GLP2R: variants seen among roughly 807,000 people sequenced by gnomAD.
GLP2R encodes the protein glucagon like peptide 2 receptor.
In GLP2R, 59 loss-of-function variants were observed where a neutral mutation model predicts 68.2. The ratio of observed to expected loss-of-function variants is 0.87; its 90% CI spans 0.70 to 1.07. The LOEUF is 1.07. GLP2R is among the 50% of genes least tolerant of loss of function. GLP2R has a pLI of 0.00. For missense variants in GLP2R, 548 were observed against 677.4 expected (o/e 0.81, Z 2.12); for synonymous variants, 270 against 265.4 (o/e 1.02, Z -0.17).
rs186251094 is a variant in GLP2R at position 9,844,193 on chromosome 17, T to C, written c.504+1577T>C. Among the ~76,000 whole-genome samples the C allele has an allele frequency of 1.1e-3, 174 of 152,080 alleles. 1 individual carries two copies. The highest frequency in any genetic ancestry group is 4.0e-3 in the African/African-American group (164 of 41,458). On this transcript the variant is annotated intron_variant, in intron 4 of 12. Coordinates refer to ENST00000262441, the MANE Select transcript of GLP2R (RefSeq NM_004246.3). ...GGCCTGAGGAGGACACAGGTGGAGG[T>C]AGAGGCCTCGGGAGAGGTAGGTGGT...
intron 10 of GLP2R, among the ~76,000 whole-genome samples, chr17:9,871,828 C>A (rs555082330): frequency 3.3e-5 from 5 of 149,784 alleles, no homozygotes; most frequent in African/African-American, 1.2e-4. Context: ...AGATTCAAGC[C>A]ATTCTCCTGC....
chr17:9,859,877 T>A, intron 6 of GLP2R, 65 bp from the exon 7 acceptor site: 41 of 558,006 alleles, frequency 7.3e-5, no homozygotes, highest in Non-Finnish European at 9.0e-5. Flanking sequence ...GAGGCCCTTC[T>A]CCCCCGACTC....
At chr17:9,879,450 T>C (rs1358147467) in intron 10 of GLP2R, among the ~76,000 whole-genome samples, 1 of 152,014 alleles carries the variant, frequency 6.6e-6, no homozygotes, top group Non-Finnish European at 1.5e-5. Context: ...TGAGCTAGAA[T>C]CGTGCTACTG....
At chr17:9,875,123 A>G (rs2067132228) in intron 10 of GLP2R, among the ~76,000 whole-genome samples, 1 of 152,212 alleles carries the variant, frequency 6.6e-6, no homozygotes, top group African/African-American at 2.4e-5. Context: ...AAACCACCTT[A>G]TTTAACTCCC....
chr17:9,848,598 T>G (rs1670384987), intron 4 of GLP2R, among the ~76,000 whole-genome samples: 1 of 152,124 alleles, frequency 6.6e-6, no homozygotes, highest in African/African-American at 2.4e-5. Context: ...AAGTAAAGAT[T>G]TCTCTCTTCG....
intron 11 of GLP2R, among the ~76,000 whole-genome samples, chr17:9,884,106 T>C (rs1005694797): frequency 6.6e-6 from 1 of 152,050 alleles, no homozygotes; most frequent in African/African-American, 2.4e-5. Flanking sequence ...AATGAGTAAA[T>C]AGAGATATAT....
chr17:9,877,382 A>C (rs1211073820), intron 10 of GLP2R, among the ~76,000 whole-genome samples: 4 of 152,232 alleles, frequency 2.6e-5, no homozygotes, highest in African/African-American at 9.6e-5. Flanking sequence ...CAATCCCTTC[A>C]TGTCTCCATC....
intron 10 of GLP2R, among the ~76,000 whole-genome samples, chr17:9,879,296 A>AAAAT (rs2067171245): frequency 1.3e-4 from 5 of 38,970 alleles, no homozygotes; most frequent in Non-Finnish European, 3.1e-4. Context: ...TAAAATAAAT[A>AAAAT]AAATAAAATA....
At chr17:9,876,023 A>G (rs1217245620) in intron 10 of GLP2R, among the ~76,000 whole-genome samples, 1 of 152,172 alleles carries the variant, frequency 6.6e-6, no homozygotes, top group Non-Finnish European at 1.5e-5. Flanking sequence ...GATTACAGGC[A>G]TGAGACACCA....
rs146198760 is a variant in GLP2R at position 9,888,227 on chromosome 17, T to C, written c.1326+254T>C. Among the ~76,000 whole-genome samples, 272 of 152,238 alleles carry C rather than the reference T, an allele frequency of 1.8e-3. 1 individual carries two copies. The highest frequency in any genetic ancestry group is 2.9e-3 in the Non-Finnish European group (198 of 68,022). On this transcript the variant is annotated intron_variant, in intron 12 of 12. Transcript: ENST00000262441. ...GGCTCTGCTGGAGATGCAAGGAGTA[T>C]TCAAATGTGACAGAGGAAACAAGCT...
intron 12 of GLP2R, among the ~76,000 whole-genome samples, chr17:9,888,337 T>A (rs2067261771): frequency 6.6e-6 from 1 of 152,180 alleles, no homozygotes; most frequent in Non-Finnish European, 1.5e-5. Context: ...CGCACTTTGT[T>A]TAGCCTCACT....
At chr17:9,878,470 C>T (rs2067160891) in intron 10 of GLP2R, among the ~76,000 whole-genome samples, 3 of 152,214 alleles carry the variant, frequency 2.0e-5, no homozygotes, top group Non-Finnish European at 2.9e-5. Context: ...GAAATGTTCT[C>T]TCATTAGGAG....
Position 9,889,834 on chromosome 17 carries a change from T to C in GLP2R, c.*129T>C. 3 of 643,286 alleles carry C rather than the reference T, an allele frequency of 4.7e-6. No homozygotes were observed. Among genetic ancestry groups the C allele is most frequent in the Non-Finnish European group, 8.1e-6 (3 of 370,398 alleles). The allele number at this position is 643,286 out of a possible 1,614,324, so 39.8% of individuals were successfully genotyped here. ...TTCCATTCACCATGCCACTTTGATA[T>C]GAAAGCTATCACAAGGTTCTTCAAG... On this transcript the variant is annotated 3_prime_UTR_variant, in exon 13 of 13. Coordinates refer to ENST00000262441, the MANE Select transcript of GLP2R (RefSeq NM_004246.3).
intron 4 of GLP2R, among the ~76,000 whole-genome samples, chr17:9,850,591 C>T (rs2066881908): frequency 6.6e-6 from 1 of 152,118 alleles, no homozygotes. Flanking sequence ...CCAGAGCTTC[C>T]CCAGTGGGAT....
Position 9,861,179 on chromosome 17 carries a change from T to C in GLP2R, c.966T>C (p.Arg322=), listed in dbSNP as rs757230648. The C allele has an allele frequency of 5.0e-6, 8 of 1,612,874 alleles. No individual in the cohort carries two copies. The highest frequency in any genetic ancestry group is 2.7e-5 in the African/African-American group (2 of 74,884). The change falls in exon 8 of 13, where the codon CGT becomes CGC. Residue 322 remains arginine (R), a synonymous_variant. Transcript: ENST00000262441. ...TTGTTGTACCCTGGGGTTTCGCCCG[T>C]GCACACCTGGAGAACACAGGGTAGG... is the stretch of plus-strand genomic sequence containing the variant. ...VLFVVPWGFA[R]AHLENTGCWT... is the part of the protein sequence containing the mutation.
chr17:9,852,707 G>A, intron 4 of GLP2R: 2 of 242,690 alleles, frequency 8.2e-6, no homozygotes, highest in South Asian at 5.7e-5. Flanking sequence ...TTCCATTCTG[G>A]TTTGATTTTT....
chr17:9,889,764 G>T lies in GLP2R; in HGVS notation c.*59G>T. On this transcript the variant is annotated 3_prime_UTR_variant, in exon 13 of 13. Transcript: ENST00000262441. ...GGACTCTTGAGGGGGCCCAGGAAGA[G>T]GAAGCAAAGCAGGACACACGTTGCT... is the stretch of plus-strand genomic sequence containing the variant. 1.8e-6 allele frequency: 2 copies of T among 1,108,992 alleles called. No individual in the cohort carries two copies. The highest frequency in any genetic ancestry group is 1.3e-6 in the Non-Finnish European group (1 of 782,068). The allele number at this position is 1,108,992 out of a possible 1,614,324, so 68.7% of individuals were successfully genotyped here.
intron 3 of GLP2R, among the ~76,000 whole-genome samples, chr17:9,840,356 A>G (rs911305094): frequency 1.3e-5 from 2 of 152,190 alleles, no homozygotes; most frequent in Non-Finnish European, 2.9e-5. Context: ...GCACTCCCCC[A>G]GCCAGAGCTG....
At chr17:9,855,429 G>T (rs1233014900) in intron 5 of GLP2R, among the ~76,000 whole-genome samples, 1 of 152,122 alleles carries the variant, frequency 6.6e-6, no homozygotes, top group Non-Finnish European at 1.5e-5. Context: ...GCCCGGCCCT[G>T]GTGTAAATCC....
Sources: allele counts gnomAD v4.1 joint callset (sites outside exome capture counted in the v4.1 genomes callset), GRCh38; gene constraint gnomAD v4.1.1; transcripts MANE v1.5; gene names NCBI Gene and HGNC (gene_info 2026-07-23, HGNC 2026-07-21).